The following FITM1 variants were observed in gnomAD, a reference collection of about 807,000 sequenced individuals.
FITM1 encodes the protein fat storage-inducing transmembrane protein 1.
A neutral mutation model predicts 22.2 loss-of-function variants in FITM1; 11 were observed. The observed-to-expected ratio is 0.50, with a 90% CI of 0.31 to 0.82. The LOEUF (loss-of-function observed/expected upper bound fraction) is 0.82. FITM1 is among the 40% of genes least tolerant of loss of function. FITM1 has a pLI of 0.04. For synonymous variants in FITM1, 164 were observed against 174.0 expected (o/e 0.94, Z 0.45); for missense variants, 394 against 386.4 (o/e 1.02, Z -0.17).
rs776941565 is a variant in FITM1 at position 24,131,691 on chromosome 14, C to A, written c.128C>A (p.Ala43Asp). The A allele has an allele frequency of 1.2e-6, 2 of 1,614,014 alleles. No homozygotes were observed. ...SALLYFGSEQ[A>D]ARLLGSPCLR... ...TTGCTGTACTTTGGAAGCGAACAGG[C>A]CGCCCGCCTTCTGGGCAGCCCCTGC... The change falls in exon 1 of 2, where the codon GCC becomes GAC. Residue 43 changes from alanine to aspartate, a missense_variant. Transcript: ENST00000267426.
chr14:24,131,281 G>A lies in FITM1; in HGVS notation c.-283G>A, dbSNP rs899750762. 1.6e-6 allele frequency: 1 copy of A among 619,718 alleles called. No individual in the cohort carries two copies. The highest frequency in any genetic ancestry group is 2.6e-5 in the Admixed American group (1 of 39,092). The allele number at this position is 619,718 out of a possible 1,614,324, so 38.4% of individuals were successfully genotyped here. ...AACAGCTGGCCCTGTCACAGGAACT[G>A]GAACATGGTCGGAGCCAAGGACACA... On this transcript the variant is annotated 5_prime_UTR_variant, in exon 1 of 2. Coordinates refer to ENST00000267426, the MANE Select transcript of FITM1 (RefSeq NM_203402.3).
chr14:24,131,984 G>T (rs377284073), intron 1 of FITM1, 155 bp downstream of exon 1: 143 of 1,275,842 alleles, frequency 1.1e-4, no homozygotes, highest in East Asian at 1.0e-3. Context: ...AGAGCCCTGG[G>T]GTACAGGGGA....
At chr14:24,132,111 G>A in intron 1 of FITM1, 100 bp from the exon 2 acceptor site, 1 of 1,502,794 alleles carries the variant, frequency 6.7e-7, no homozygotes, top group Non-Finnish European at 9.0e-7. Flanking sequence ...GAGAGAACGA[G>A]TGATGATGTG....
chr14:24,132,590 G>A lies in FITM1; in HGVS notation c.646G>A (p.Ala216Thr), dbSNP rs2037831575. Residue 216 changes from alanine (A) to threonine (T), a missense_variant, in exon 2 of 2, where the codon GCC (alanine) becomes ACC (threonine). Transcript: ENST00000267426. ...KYLAHGLPAG[A>T]PLRLVFLLNV... ...CCTGGCCCATGGGCTTCCTGCCGGC[G>A]CCCCACTGCGCCTTGTCTTCCTGCT... The A allele has an allele frequency of 4.3e-6, 7 of 1,610,278 alleles. No homozygotes were observed. The East Asian group carries it at 1.3e-4, about 31-fold the overall frequency.
In FITM1 at chr14:24,132,822, G is replaced by A; in HGVS notation, c.878G>A (p.Ter293=). The change falls in exon 2 of 2, where the codon TGA becomes TAA. Residue 293 remains the stop codon, a stop_retained_variant. Transcript: ENST00000267426. The stretch of plus-strand genomic sequence containing the variant: ...CCCCACTCCAGCCGCAAGCATAACT[G>A]AAAGAAATAAAAACCATCGGGCCTG... ...PRPHSSRKHN[*] 6.2e-7 allele frequency: 1 copy of A among 1,604,230 alleles called. No individual in the cohort carries two copies.
rs910923207 is a variant in FITM1 at position 24,132,791 on chromosome 14, C to G, written c.847C>G (p.Pro283Ala). Residue 283 changes from proline (P) to alanine (A), a missense_variant, in exon 2 of 2, where the codon CCC becomes GCC. Transcript: ENST00000267426. ...SPGSPGHGLF[P>A]RPHSSRKHN ...AGGGAGCCCAGGCCATGGGCTCTTC[C>G]CCCGTCCCCACTCCAGCCGCAAGCA... is the stretch of plus-strand genomic sequence containing the variant. 6.2e-7 allele frequency: 1 copy of G among 1,612,016 alleles called. No individual in the cohort carries two copies. The highest frequency in any genetic ancestry group is 1.3e-5 in the African/African-American group (1 of 74,782).
rs1170318587 is a variant in FITM1, at chr14:24,132,336, G to A, written c.392G>A (p.Gly131Glu). The change falls in exon 2 of 2, where the codon GGG becomes GAG. Residue 131 changes from glycine to glutamate, a missense_variant. Gly to Glu is a moderately conservative substitution (Grantham distance 98). Coordinates refer to ENST00000267426, the MANE Select transcript of FITM1 (RefSeq NM_203402.3). ...AGACACCTGAGCCGACTGGTAGTAGGGGCAGCCGTGTGGCGGGGAGCCGGC... is the reference window on the plus strand; with the variant it reads ...AGACACCTGAGCCGACTGGTAGTAGAGGCAGCCGTGTGGCGGGGAGCCGGC... ...TARHLSRLVVGAAVWRGAGRA... is the reference protein window; with the variant it reads ...TARHLSRLVVEAAVWRGAGRA... The A allele has an allele frequency of 5.6e-6, 9 of 1,614,152 alleles. No individual in the cohort carries two copies. The highest frequency in any genetic ancestry group is 5.5e-5 in the South Asian group (5 of 91,082).
Position 24,132,830 on chromosome 14 carries a change from T to C in FITM1, c.*7T>C, listed in dbSNP as rs763653375. On this transcript the variant is annotated 3_prime_UTR_variant, in exon 2 of 2. Coordinates refer to ENST00000267426, the MANE Select transcript of FITM1 (RefSeq NM_203402.3). ...CAGCCGCAAGCATAACTGAAAGAAA[T>C]AAAAACCATCGGGCCTGGCTGTGGC... 2 of 1,600,936 alleles carry C rather than the reference T, an allele frequency of 1.2e-6. No individual in the cohort carries two copies. Among genetic ancestry groups the C allele is most frequent in the South Asian group, 1.1e-5 (1 of 89,716 alleles).
rs1218521156 is a variant in FITM1 at position 24,131,779 on chromosome 14, C to T, written c.216C>T (p.Phe72=). 1.9e-6 allele frequency: 3 copies of T among 1,612,104 alleles called. No individual in the cohort carries two copies. The highest frequency in any genetic ancestry group is 2.2e-5 in the South Asian group (2 of 90,830). The change falls in exon 1 of 2, where the codon TTC becomes TTT. Residue 72 remains phenylalanine, a synonymous_variant. Transcript: ENST00000267426. ...TCATCTTTGGGCCGCTTCTGCAGTT[C>T]CATGTCAACCCTCGGACTATCTTCG... is the stretch of plus-strand genomic sequence containing the variant. ...AVVIFGPLLQ[F]HVNPRTIFAS...
In FITM1 at chr14:24,132,333, T is replaced by C; in HGVS notation, c.389T>C (p.Val130Ala). ...VTARHLSRLV[V>A]GAAVWRGAGR... ...GCCAGACACCTGAGCCGACTGGTAG[T>C]AGGGGCAGCCGTGTGGCGGGGAGCC... Residue 130 changes from valine (V) to alanine (A), a missense_variant, in exon 2 of 2, where the codon GTA (valine) becomes GCA (alanine). Transcript: ENST00000267426. The C allele has an allele frequency of 6.2e-7, 1 of 1,614,146 alleles. No individual in the cohort carries two copies. Among genetic ancestry groups the C allele is most frequent in the East Asian group, 2.2e-5 (1 of 44,890 alleles).
In FITM1 at chr14:24,131,244, A is replaced by G; in HGVS notation, c.-320A>G. The G allele has an allele frequency of 3.4e-6, 2 of 580,820 alleles. No homozygotes were observed. The highest frequency in any genetic ancestry group is 3.1e-6 in the Non-Finnish European group (1 of 324,798). The allele number at this position is 580,820 out of a possible 1,614,324, so 36.0% of individuals were successfully genotyped here. A position where few individuals can be genotyped will look rare whatever the true frequency, so the allele number is the denominator to read the frequency against. ...GAGGGACTTTGGCAGACTATGGACA[A>G]GGACAGCCCTGAACAGCTGGCCCTG... On this transcript the variant is annotated 5_prime_UTR_variant, in exon 1 of 2. Transcript: ENST00000267426.
At position 24,131,434 on chromosome 14, in the gene FITM1, G is replaced by C. The variant is rs2037820346; in HGVS notation, c.-130G>C. On this transcript the variant is annotated 5_prime_UTR_variant, in exon 1 of 2. Coordinates refer to ENST00000267426, the MANE Select transcript of FITM1 (RefSeq NM_203402.3). ...TGCCCCCCGCCCCTCTCCCCCACCT[G>C]CCAGCTGCCAACAGGGCTCTGCCTT... The C allele has an allele frequency of 1.5e-5, 14 of 940,152 alleles. No homozygotes were observed. In the East Asian group the frequency reaches 3.4e-4, roughly 23 times the overall value. The allele number at this position is 940,152 out of a possible 1,614,324, so 58.2% of individuals were successfully genotyped here. A position where few individuals can be genotyped will look rare whatever the true frequency, so the allele number is the denominator to read the frequency against.
Position 24,131,366 on chromosome 14 carries a change from C to T in FITM1, c.-198C>T, listed in dbSNP as rs1339355211. The T allele has an allele frequency of 2.7e-5, 19 of 700,284 alleles. No homozygotes were observed. In the East Asian group the frequency reaches 4.8e-4, roughly 18 times the overall value. 43.4% of individuals were successfully genotyped at this position (700,284 alleles called of 1,614,324 possible). The stretch of plus-strand genomic sequence containing the variant: ...ACACATACTACCACACACCCGAGGC[C>T]AGGACCCTGCTGACGTGGCAGACCT... On this transcript the variant is annotated 5_prime_UTR_variant, in exon 1 of 2. It introduces an in-frame stop codon into an upstream open reading frame of the 5' UTR. Transcript: ENST00000267426.
In FITM1 at chr14:24,131,232, A is replaced by G; in HGVS notation, c.-332A>G. ...GGGGTGGGTGGAGAGGGACTTTGGC[A>G]GACTATGGACAAGGACAGCCCTGAA... On this transcript the variant is annotated 5_prime_UTR_variant, in exon 1 of 2. Transcript: ENST00000267426. The G allele has an allele frequency of 1.8e-6, 1 of 568,770 alleles. No individual in the cohort carries two copies. Among genetic ancestry groups the G allele is most frequent in the Non-Finnish European group, 3.1e-6 (1 of 318,378 alleles). 35.2% of individuals were successfully genotyped at this position (568,770 alleles called of 1,614,324 possible).
Position 24,131,623 on chromosome 14 carries a change from G to A in FITM1, c.60G>A (p.Leu20=), listed in dbSNP as rs750421069. The stretch of plus-strand genomic sequence containing the variant: ...GGGCCGGGGCCCGAATCCAGGCACT[G>A]CTGGGCTGCCTGCTCAAGGTGCTGC... ...GLGAGARIQA[L]LGCLLKVLLW... The change falls in exon 1 of 2, where the codon CTG becomes CTA. Residue 20 remains leucine (L), a synonymous_variant. Coordinates refer to ENST00000267426, the MANE Select transcript of FITM1 (RefSeq NM_203402.3). 3.7e-6 allele frequency: 6 copies of A among 1,611,706 alleles called. 1 individual carries two copies. In the South Asian group the frequency reaches 6.6e-5, roughly 18 times the overall value.
In FITM1 at chr14:24,131,199, G is replaced by T; in HGVS notation, c.-365G>T. 1 of 546,588 alleles carries T rather than the reference G, an allele frequency of 1.8e-6. No homozygotes were observed. The highest frequency in any genetic ancestry group is 3.3e-6 in the Non-Finnish European group (1 of 306,776). 33.9% of individuals were successfully genotyped at this position (546,588 alleles called of 1,614,324 possible). On this transcript the variant is annotated 5_prime_UTR_variant, in exon 1 of 2. Coordinates refer to ENST00000267426, the MANE Select transcript of FITM1 (RefSeq NM_203402.3). ...CTCTGATTTCCCTGTGGAGCAAATG[G>T]TAAAGTAGGGGTGGGTGGAGAGGGA... is the stretch of plus-strand genomic sequence containing the variant.
intron 1 of FITM1, 170 bp downstream of exon 1, chr14:24,131,999 G>T: frequency 8.1e-7 from 1 of 1,236,074 alleles, no homozygotes. Flanking sequence ...AGGGGAAGTT[G>T]GGAACAGGAC....
rs975660091 is a variant in FITM1 at position 24,131,240 on chromosome 14, G to A, written c.-324G>A. 1.7e-6 allele frequency: 1 copy of A among 583,322 alleles called. No individual in the cohort carries two copies. Among genetic ancestry groups the A allele is most frequent in the Non-Finnish European group, 3.1e-6 (1 of 326,068 alleles). 36.1% of individuals were successfully genotyped at this position (583,322 alleles called of 1,614,324 possible). ...TGGAGAGGGACTTTGGCAGACTATG[G>A]ACAAGGACAGCCCTGAACAGCTGGC... On this transcript the variant is annotated 5_prime_UTR_variant, in exon 1 of 2. Transcript: ENST00000267426.
In FITM1 at chr14:24,131,793, G is replaced by C. The variant is rs139633858; in HGVS notation, c.230G>C (p.Arg77Pro). 1 of 1,607,312 alleles carries C rather than the reference G, an allele frequency of 6.2e-7. No homozygotes were observed. The highest frequency in any genetic ancestry group is 1.3e-5 in the African/African-American group (1 of 74,774). Reference sequence around the variant, plus strand: ...CTTCTGCAGTTCCATGTCAACCCTCGGACTATCTTCGCCAGCCACGGCAAC... The same window carrying C: ...CTTCTGCAGTTCCATGTCAACCCTCCGACTATCTTCGCCAGCCACGGCAAC... ...GPLLQFHVNP[R>P]TIFASHGNFF... The change falls in exon 1 of 2, where the codon CGG becomes CCG. Residue 77 changes from arginine (R) to proline (P), a missense_variant. Coordinates refer to ENST00000267426, the MANE Select transcript of FITM1 (RefSeq NM_203402.3).
Sources: gnomAD v4.1 joint callset for allele counts on GRCh38, gnomAD v4.1.1 for gene constraint, MANE v1.5 for transcripts, NCBI Gene and HGNC (gene_info 2026-07-23, HGNC 2026-07-21) for gene names.